The following DPYD variants were observed in gnomAD, a reference collection of about 807,000 sequenced individuals.
DPYD encodes the protein dihydropyrimidine dehydrogenase, also known as dihydropyrimidine dehydrogenase [NADP(+)].
A neutral mutation model predicts 116.2 loss-of-function variants in DPYD; 109 were observed. The ratio of observed to expected loss-of-function variants is 0.94; its 90% CI spans 0.80 to 1.10. DPYD has a LOEUF of 1.10. DPYD is among the 50% of genes least tolerant of loss of function. The probability of loss-of-function intolerance (pLI) is 0.00; values close to 1 mark genes in which losing one functional copy is unlikely to be tolerated. For missense variants in DPYD, 1,302 were observed against 1,254.5 expected (o/e 1.04, Z -0.57); for synonymous variants, 440 against 432.0 (o/e 1.02, Z -0.23).
At chr1:97,485,851 T>C (rs1678604103) in intron 13 of DPYD, among the ~76,000 whole-genome samples, 1 of 152,192 alleles carries the variant, frequency 6.6e-6, no homozygotes, top group Non-Finnish European at 1.5e-5. Flanking sequence ...TAATATTTTG[T>C]TGGTATCCTT....
At chr1:97,081,334 A>G (rs1649133644) in intron 22 of DPYD, among the ~76,000 whole-genome samples, 1 of 152,072 alleles carries the variant, frequency 6.6e-6, no homozygotes, top group Non-Finnish European at 1.5e-5. Context: ...CTTGAAAAAT[A>G]TAATAAAAAC....
At chr1:97,914,681 T>C (rs1571578219) in intron 1 of DPYD, among the ~76,000 whole-genome samples, 4 of 152,116 alleles carry the variant, frequency 2.6e-5, no homozygotes, top group Non-Finnish European at 5.9e-5. Flanking sequence ...CTTTGTACCA[T>C]CTGAAACTTA....
intron 15 of DPYD, among the ~76,000 whole-genome samples, chr1:97,375,213 CA>C (rs1257456900): frequency 6.6e-6 from 1 of 152,054 alleles, no homozygotes; most frequent in Non-Finnish European, 1.5e-5. Context: ...TTATCACATG[CA>C]AAGGCTTAAA....
At chr1:97,837,125 A>C (rs940774976) in intron 2 of DPYD, among the ~76,000 whole-genome samples, 3 of 152,142 alleles carry the variant, frequency 2.0e-5, no homozygotes, top group Non-Finnish European at 4.4e-5. Flanking sequence ...AGTTACTTAC[A>C]TGAATTTGTA....
At chr1:97,168,094 T>C (rs1385487510) in intron 20 of DPYD, among the ~76,000 whole-genome samples, 4 of 152,208 alleles carry the variant, frequency 2.6e-5, no homozygotes, top group Non-Finnish European at 5.9e-5. Context: ...ATTCTAATTA[T>C]AAATCTGAGG....
chr1:97,791,466 T>C (rs961409609), intron 3 of DPYD, among the ~76,000 whole-genome samples: 1 of 152,194 alleles, frequency 6.6e-6, no homozygotes, highest in Non-Finnish European at 1.5e-5. Flanking sequence ...TTTTGTGGTC[T>C]AATGTAGATT....
intron 14 of DPYD, among the ~76,000 whole-genome samples, chr1:97,437,069 A>G (rs913860491): frequency 8.6e-5 from 13 of 151,820 alleles, no homozygotes; most frequent in African/African-American, 2.9e-4. Flanking sequence ...CTTAAAGTAT[A>G]CAATTTTATA....
chr1:97,164,883 T>TA (rs1364412212), intron 20 of DPYD, among the ~76,000 whole-genome samples: 4 of 149,902 alleles, frequency 2.7e-5, no homozygotes, highest in African/African-American at 9.9e-5. Context: ...TTTTTTTTTG[T>TA]ATTTTTAGTA....
intron 3 of DPYD, among the ~76,000 whole-genome samples, chr1:97,807,881 T>C (rs560619037): frequency 6.6e-6 from 1 of 152,212 alleles, no homozygotes; most frequent in South Asian, 2.1e-4. Flanking sequence ...GTGGTTCCAG[T>C]ATCATTTATC....
intron 2 of DPYD, among the ~76,000 whole-genome samples, chr1:97,860,059 T>G (rs542817321): frequency 6.6e-6 from 1 of 152,224 alleles, no homozygotes; most frequent in South Asian, 2.1e-4. Context: ...TTCTAAATAT[T>G]AGGCTGGGTG....
chr1:97,238,336 T>A (rs1174339953), intron 18 of DPYD, among the ~76,000 whole-genome samples: 1 of 152,174 alleles, frequency 6.6e-6, no homozygotes, highest in Non-Finnish European at 1.5e-5. Flanking sequence ...CCAGTTTGAT[T>A]TTTTATAACT....
At chr1:97,894,364 A>G (rs1023341165) in intron 1 of DPYD, among the ~76,000 whole-genome samples, 1 of 151,808 alleles carries the variant, frequency 6.6e-6, no homozygotes, top group Non-Finnish European at 1.5e-5. Flanking sequence ...TCTTCAACAT[A>G]TGAATTTTGA....
rs117525754 is a variant in DPYD, at chr1:97,252,352, A to G, written c.2300-17358T>C. Among the ~76,000 whole-genome samples the G allele has an allele frequency of 1.3e-3, 193 of 152,326 alleles. 5 individuals carry two copies. The East Asian group carries it at 0.035, about 28-fold the overall frequency. On this transcript the variant is annotated intron_variant, in intron 18 of 22. Coordinates refer to ENST00000370192, the MANE Select transcript of DPYD (RefSeq NM_000110.4). ...AGGAGACAGCCTATTGTCAGGACCA[A>G]CTTGGTGGGGAAAGGATATATAGTC...
intron 18 of DPYD, among the ~76,000 whole-genome samples, chr1:97,253,546 G>A (rs931827424): frequency 4.6e-5 from 7 of 151,966 alleles, no homozygotes; most frequent in Admixed American, 2.6e-4. Flanking sequence ...TCGTGGCATC[G>A]TTCCCTTGTG....
chr1:97,753,692 C>A (rs1665061188), intron 3 of DPYD, among the ~76,000 whole-genome samples: 1 of 151,990 alleles, frequency 6.6e-6, no homozygotes, highest in Non-Finnish European at 1.5e-5. Context: ...ATTTACAAAG[C>A]ATTTTCTCGT....
intron 7 of DPYD, among the ~76,000 whole-genome samples, chr1:97,690,544 C>T (rs946077325): frequency 2.6e-5 from 4 of 151,858 alleles, no homozygotes; most frequent in African/African-American, 9.7e-5. Context: ...AAACATTTCC[C>T]ATGTCTTTGT....
At chr1:97,884,004 C>A in intron 1 of DPYD, 1 of 281,622 alleles carries the variant, frequency 3.6e-6, no homozygotes, top group South Asian at 3.4e-5. Context: ...ATATACTTGT[C>A]TTAGAAAAAA....
chr1:97,794,826 C>T (rs1028797992), intron 3 of DPYD, among the ~76,000 whole-genome samples: 9 of 152,178 alleles, frequency 5.9e-5, no homozygotes, highest in Non-Finnish European at 8.8e-5. Flanking sequence ...ATATCTTTCA[C>T]ATCTTTCACA....
chr1:97,482,442 T>G (rs1678375109), intron 13 of DPYD, among the ~76,000 whole-genome samples: 1 of 152,166 alleles, frequency 6.6e-6, no homozygotes, highest in Non-Finnish European at 1.5e-5. Flanking sequence ...AATGAAGAAC[T>G]TGAAGGAAAG....
Sources: gnomAD v4.1 joint callset for allele counts (sites outside exome capture counted in the v4.1 genomes callset) on GRCh38, gnomAD v4.1.1 for gene constraint, MANE v1.5 for transcripts, NCBI Gene and HGNC (gene_info 2026-07-23, HGNC 2026-07-21) for gene names.